IFT88: variants seen among roughly 807,000 people sequenced by gnomAD.
IFT88 encodes intraflagellar transport protein 88 homolog.
A neutral mutation model predicts 119.5 loss-of-function variants in IFT88; 74 were observed. The observed-to-expected ratio is 0.62, with a 90% CI of 0.51 to 0.75. The LOEUF (loss-of-function observed/expected upper bound fraction) is 0.75. IFT88 is among the 30% of genes least tolerant of loss of function. IFT88 has a pLI of 0.00. For synonymous variants in IFT88, 279 were observed against 316.7 expected, an observed-to-expected ratio of 0.88 and a Z score of 1.26; for missense variants, 961 against 977.7, an observed-to-expected ratio of 0.98 and a Z score of 0.23.
intron 2 of IFT88, among the ~76,000 whole-genome samples, chr13:20,578,249 G>T (rs1292465937): frequency 1.3e-5 from 2 of 150,510 alleles, no homozygotes; most frequent in African/African-American, 2.4e-5. Context: ...GAGTTTCACC[G>T]TGTTAGCCAG....
rs527487984 is a variant in IFT88 at position 20,691,036 on chromosome 13, A to G, written c.2354-18A>G. ...TTTGTTTACATAACTCTAACGTGACAATCTCTTCGAAACCTAGATGCCTCC... is the reference window on the plus strand; with the variant it reads ...TTTGTTTACATAACTCTAACGTGACGATCTCTTCGAAACCTAGATGCCTCC... On this transcript the variant is annotated intron_variant, in intron 25 of 25. Transcript: ENST00000351808. 6 of 1,610,044 alleles carry G rather than the reference A, an allele frequency of 3.7e-6. No individual in the cohort carries two copies. The East Asian group carries it at 1.3e-4, about 36-fold the overall frequency.
chr13:20,690,727 C>T lies in IFT88; in HGVS notation c.2265C>T (p.Ala755=). 1 of 1,612,246 alleles carries T rather than the reference C, an allele frequency of 6.2e-7. No homozygotes were observed. Among genetic ancestry groups the T allele is most frequent in the Non-Finnish European group, 8.5e-7 (1 of 1,178,412 alleles). Reference sequence around the variant, plus strand: ...CAGATAGTGGCCAGAACTATAGTGCCAGTAGTAAAGGTGAACGACTAAGTG... The same window carrying T: ...CAGATAGTGGCCAGAACTATAGTGCTAGTAGTAAAGGTGAACGACTAAGTG... ...ASGDSGQNYS[A]SSKGERLSAR... is the part of the protein sequence containing the mutation. The change falls in exon 25 of 26, where the codon GCC becomes GCT. Residue 755 remains alanine (A), a synonymous_variant. Coordinates refer to ENST00000351808, the MANE Select transcript of IFT88 (RefSeq NM_006531.5).
intron 7 of IFT88, among the ~76,000 whole-genome samples, chr13:20,593,321 A>G (rs1438507816): frequency 6.6e-6 from 1 of 152,122 alleles, no homozygotes; most frequent in Non-Finnish European, 1.5e-5. Flanking sequence ...TTTCCCTATG[A>G]AAACAGAGCT....
rs185199375 is a variant in IFT88, at chr13:20,684,924, G to A, written c.2243-5781G>A. On this transcript the variant is annotated intron_variant, in intron 24 of 25. Transcript: ENST00000351808. ...GGCACCGCTTGCCGAGACCAGCTCG[G>A]TCGTGGAGACCCTAACCCAGCAGCA... is the stretch of plus-strand genomic sequence containing the variant. Among the ~76,000 whole-genome samples, 568 of 152,342 alleles carry A rather than the reference G, an allele frequency of 3.7e-3. 4 individuals carry two copies. The highest frequency in any genetic ancestry group is 6.8e-3 in the Middle Eastern group (2 of 294).
chr13:20,629,343 A>G (rs2047838706), intron 15 of IFT88, among the ~76,000 whole-genome samples: 2 of 152,332 alleles, frequency 1.3e-5, no homozygotes, highest in African/African-American at 2.4e-5. Flanking sequence ...ATTAGCAGCA[A>G]TCATTTTTGA....
chr13:20,624,934 A>G (rs552105663), intron 14 of IFT88, among the ~76,000 whole-genome samples: 2 of 152,356 alleles, frequency 1.3e-5, no homozygotes, highest in African/African-American at 2.4e-5. Context: ...GCAAATTTTA[A>G]GTATATAATA....
intron 9 of IFT88, among the ~76,000 whole-genome samples, chr13:20,597,621 G>A (rs1023715080): frequency 4.6e-5 from 7 of 151,862 alleles, no homozygotes; most frequent in Non-Finnish European, 8.8e-5. Context: ...GCGGGCGCCT[G>A]TAGTCCCAGC....
At chr13:20,653,785 GT>G in intron 20 of IFT88, 90 bp from the exon 21 acceptor site, 2 of 612,910 alleles carry the variant, frequency 3.3e-6, no homozygotes, top group Non-Finnish European at 5.4e-6. Flanking sequence ...AGGTCAAAAA[GT>G]AATTGTAAAA....
intron 5 of IFT88, 31 bp downstream of exon 5, chr13:20,591,051 G>T: frequency 6.5e-7 from 1 of 1,537,978 alleles, no homozygotes; most frequent in Non-Finnish European, 8.9e-7. Flanking sequence ...TTCATTTTGT[G>T]CCTTTCTTGT....
chr13:20,584,809 C>CAGT (rs539106030), intron 3 of IFT88, among the ~76,000 whole-genome samples: 193 of 152,326 alleles, frequency 1.3e-3, no homozygotes, highest in African/African-American at 4.5e-3. Flanking sequence ...TACTATACAG[C>CAGT]AGTGGCTCTC....
At chr13:20,675,939 G>T (rs1338542535) in intron 24 of IFT88, among the ~76,000 whole-genome samples, 1 of 152,186 alleles carries the variant, frequency 6.6e-6, no homozygotes, top group Non-Finnish European at 1.5e-5. Context: ...GAATACTTTT[G>T]GTAATGACAG....
Position 20,569,141 on chromosome 13 carries a change from A to G in IFT88, c.-7+1885A>G, listed in dbSNP as rs2137719509. 2.0e-5 allele frequency among the ~76,000 whole-genome samples: 3 copies of G among 152,318 alleles called. 1 individual carries two copies. Among genetic ancestry groups the G allele is most frequent in the Admixed American group, 2.0e-4 (3 of 15,294 alleles). ...GAAATTAACTCAAAATGGATCAATG[A>G]CCTAAATATAAGAGCTAAAACTGTT... is the stretch of plus-strand genomic sequence containing the variant. On this transcript the variant is annotated intron_variant, in intron 1 of 25. Transcript: ENST00000351808.
intron 7 of IFT88, among the ~76,000 whole-genome samples, chr13:20,593,384 T>G (rs2041051584): frequency 6.6e-6 from 1 of 152,092 alleles, no homozygotes. Context: ...TATCTTAACT[T>G]TCTAAGGCTA....
At chr13:20,607,354 G>GT in intron 13 of IFT88, 1 of 544,408 alleles carries the variant, frequency 1.8e-6, no homozygotes, top group East Asian at 4.3e-5. Flanking sequence ...AGGTGCCCAT[G>GT]TCCTATGCAC....
At chr13:20,680,929 C>G (rs2057256693) in intron 24 of IFT88, among the ~76,000 whole-genome samples, 1 of 152,198 alleles carries the variant, frequency 6.6e-6, no homozygotes, top group Admixed American at 6.5e-5. Context: ...TTGGTAGATG[C>G]CGTTCAGCTG....
At position 20,638,457 on chromosome 13, in the gene IFT88, TG is replaced by T. The variant is rs774211252; in HGVS notation, c.1513del (p.Glu505AsnfsTer7). 6.5e-7 allele frequency: 1 copy of T among 1,538,010 alleles called. No homozygotes were observed. The highest frequency in any genetic ancestry group is 1.3e-5 in the South Asian group (1 of 74,774). ...FANGDYEKAA[E>X]FYKEALRNDS... ...CAAATGGTGATTATGAGAAGGCCGC[TG>T]AATTCTATAAAGAGGCTCTAAGAAA... On this transcript the variant is annotated frameshift_variant, in exon 17 of 26. Transcript: ENST00000351808. LOFTEE classifies it high-confidence loss of function.
intron 15 of IFT88, among the ~76,000 whole-genome samples, chr13:20,630,556 A>G (rs1172292168): frequency 6.6e-6 from 1 of 152,102 alleles, no homozygotes; most frequent in Non-Finnish European, 1.5e-5. Flanking sequence ...AAGGATCATT[A>G]TTATTATCAT....
chr13:20,688,204 G>A lies in IFT88; in HGVS notation c.2243-2501G>A, dbSNP rs757901118. 4.6e-5 allele frequency among the ~76,000 whole-genome samples: 7 copies of A among 152,270 alleles called. No individual in the cohort carries two copies. In the East Asian group the frequency reaches 7.7e-4, roughly 17 times the overall value. On this transcript the variant is annotated intron_variant, in intron 24 of 25. Coordinates refer to ENST00000351808, the MANE Select transcript of IFT88 (RefSeq NM_006531.5). ...TACAACAACAACAAAAAAATTAGCCGGGCGTGGTAGCGCATGCCTGTAATC... is the reference window on the plus strand; with the variant it reads ...TACAACAACAACAAAAAAATTAGCCAGGCGTGGTAGCGCATGCCTGTAATC...
chr13:20,604,733 T>C (rs2043137713), intron 12 of IFT88, among the ~76,000 whole-genome samples: 1 of 152,172 alleles, frequency 6.6e-6, no homozygotes, highest in Non-Finnish European at 1.5e-5. Flanking sequence ...GGTGAGCAAA[T>C]TGCTTGAGCC....
Sources: gnomAD v4.1 joint callset for allele counts (sites outside exome capture counted in the v4.1 genomes callset) on GRCh38, gnomAD v4.1.1 for gene constraint, MANE v1.5 for transcripts, NCBI Gene and HGNC (gene_info 2026-07-23, HGNC 2026-07-21) for gene names.